Variants in FRMPD4 observed in about 807,000 individuals in gnomAD.
The protein encoded by FRMPD4 is FERM and PDZ domain-containing protein 4.
Under a neutral mutation model 94.1 loss-of-function variants are expected in FRMPD4, and 22 were observed. That is an observed-to-expected ratio of 0.23 (90% CI 0.17 to 0.33). The LOEUF (loss-of-function observed/expected upper bound fraction) is 0.33, where lower values mean the gene tolerates loss of function less well. FRMPD4 is among the 10% of genes least tolerant of loss of function. The probability of loss-of-function intolerance (pLI) is 1.00; values close to 1 mark genes in which losing one functional copy is unlikely to be tolerated. For missense variants in FRMPD4, 1,111 were observed against 1,339.9 expected (o/e 0.83, Z 2.67); for synonymous variants, 631 against 548.6 (o/e 1.15, Z -2.10).
chrX:12,399,450 C>T (rs770607784), intron 1 of FRMPD4, among the ~76,000 whole-genome samples: 6 of 111,502 alleles, frequency 5.4e-5, no homozygotes, highest in Non-Finnish European at 1.1e-4. Flanking sequence ...GAGGCACTGA[C>T]CCTCATGCAG....
chrX:12,001,159 T>G (rs1022608808), intron 3 of FRMPD4, among the ~76,000 whole-genome samples: 4 of 111,916 alleles, frequency 3.6e-5, no homozygotes, highest in Non-Finnish European at 7.5e-5. Flanking sequence ...GAGTTTCAGA[T>G]GGAAGCTGGT....
intron 2 of FRMPD4, among the ~76,000 whole-genome samples, chrX:12,509,743 A>C (rs1424148341): frequency 8.9e-6 from 1 of 112,086 alleles, no homozygotes; most frequent in Non-Finnish European, 1.9e-5. Flanking sequence ...GAAATAAAAA[A>C]AAAATTATAA....
chrX:12,705,437 C>T (rs1242062455), intron 11 of FRMPD4, among the ~76,000 whole-genome samples: 2 of 111,587 alleles, frequency 1.8e-5, no homozygotes, highest in Non-Finnish European at 1.9e-5. Context: ...TCACTGTTTA[C>T]GTGGAGAACC....
intron 3 of FRMPD4, among the ~76,000 whole-genome samples, chrX:12,100,805 A>G (rs991832700): frequency 9.0e-6 from 1 of 111,648 alleles, no homozygotes; most frequent in African/African-American, 3.3e-5. Flanking sequence ...CTGTGAAGCT[A>G]AAAAGCAAGG....
chrX:12,635,294 G>A (rs1026585274), intron 4 of FRMPD4, among the ~76,000 whole-genome samples: 1 of 111,903 alleles, frequency 8.9e-6, no homozygotes, highest in Admixed American at 9.5e-5. Flanking sequence ...AGAGTGTCGG[G>A]TGGAGCTGGT....
intron 2 of FRMPD4, among the ~76,000 whole-genome samples, chrX:12,539,987 C>A (rs1427573954): frequency 8.9e-6 from 1 of 111,878 alleles, no homozygotes; most frequent in African/African-American, 3.3e-5. Flanking sequence ...TCCAGCCAAA[C>A]TAAGCTTCAT....
intron 2 of FRMPD4, among the ~76,000 whole-genome samples, chrX:12,543,359 C>T (rs2058437398): frequency 8.9e-6 from 1 of 111,881 alleles, no homozygotes. Context: ...GGGCTAATAT[C>T]CAGAATCTAC....
intron 3 of FRMPD4, among the ~76,000 whole-genome samples, chrX:12,103,439 G>A (rs1447188793): frequency 1.8e-5 from 2 of 111,518 alleles, no homozygotes; most frequent in Non-Finnish European, 3.8e-5. Flanking sequence ...TGACTAACTC[G>A]GGTCAACAAA....
exon 1 of FRMPD4, among the ~76,000 whole-genome samples, chrX:11,822,470 G>C (rs1210924952): frequency 1.8e-5 from 2 of 112,265 alleles, no homozygotes; most frequent in Non-Finnish European, 3.8e-5. Context: ...GAGGCTGGAA[G>C]TGACTCTTTG....
chrX:11,944,921 T>C (rs980599439), intron 3 of FRMPD4, among the ~76,000 whole-genome samples: 4 of 112,462 alleles, frequency 3.6e-5, no homozygotes, highest in Non-Finnish European at 7.5e-5. Context: ...TCCTCTGTGT[T>C]TTCCAATGAA....
chrX:12,368,761 C>G (rs766191635), intron 1 of FRMPD4, among the ~76,000 whole-genome samples: 2 of 110,643 alleles, frequency 1.8e-5, no homozygotes. Flanking sequence ...CGCCTGTAGT[C>G]CCAGCTACTC....
chrX:12,065,547 A>G (rs1406618323), intron 3 of FRMPD4, among the ~76,000 whole-genome samples: 2 of 111,604 alleles, frequency 1.8e-5, no homozygotes. Context: ...CTCCACTTCC[A>G]TCTCAACCCT....
chrX:12,252,274 A>G (rs1376873858), intron 1 of FRMPD4, among the ~76,000 whole-genome samples: 1 of 111,700 alleles, frequency 9.0e-6, no homozygotes, highest in Non-Finnish European at 1.9e-5. Context: ...ACAGCTTCTC[A>G]GCATCTAGCA....
intron 3 of FRMPD4, among the ~76,000 whole-genome samples, chrX:12,100,704 C>T (rs1387461540): frequency 4.5e-5 from 5 of 112,067 alleles, no homozygotes; most frequent in African/African-American, 1.6e-4. Context: ...ATGCTATTTT[C>T]GCTCTTTGTG....
At chrX:12,193,647 A>G (rs1465839934) in intron 1 of FRMPD4, among the ~76,000 whole-genome samples, 1 of 104,954 alleles carries the variant, frequency 9.5e-6, no homozygotes, top group African/African-American at 3.5e-5. Context: ...TTGTATAAAT[A>G]ATTAGTGAGC....
rs185825589 is a variant in FRMPD4 at position 12,598,541 on chromosome X, C to T, written c.159-11180C>T. Among the ~76,000 whole-genome samples, 9 of 111,846 alleles carry T rather than the reference C, an allele frequency of 8.0e-5. No individual in the cohort carries two copies. In the East Asian group the frequency reaches 1.1e-3, roughly 14 times the overall value. On this transcript the variant is annotated intron_variant, in intron 2 of 16. Coordinates refer to ENST00000675598, the MANE Select transcript of FRMPD4 (RefSeq NM_001368397.1). ...GGATCCCATGTGATGCAATCATAAG[C>T]GTGAAGCTCTCAGGGCACCAATGCT...
intron 1 of FRMPD4, among the ~76,000 whole-genome samples, chrX:12,223,554 A>G (rs2056891917): frequency 8.9e-6 from 1 of 111,763 alleles, no homozygotes; most frequent in Admixed American, 9.5e-5. Context: ...GCAACACACA[A>G]TTTACCCATG....
chrX:12,501,694 T>C (rs1321218266), intron 2 of FRMPD4, among the ~76,000 whole-genome samples: 1 of 111,676 alleles, frequency 9.0e-6, no homozygotes, highest in Non-Finnish European at 1.9e-5. Context: ...AGGATGTAAA[T>C]AACCCCCATC....
chrX:12,584,542 A>G (rs1196119927), intron 2 of FRMPD4, among the ~76,000 whole-genome samples: 1 of 111,983 alleles, frequency 8.9e-6, no homozygotes, highest in Non-Finnish European at 1.9e-5. Flanking sequence ...CCCACATATT[A>G]TGAATTACAA....
Sources: gnomAD v4.1 joint callset for allele counts (sites outside exome capture counted in the v4.1 genomes callset) on GRCh38, gnomAD v4.1.1 for gene constraint, MANE v1.5 for transcripts, NCBI Gene and HGNC (gene_info 2026-07-23, HGNC 2026-07-21) for gene names.